MYH15: variants seen among roughly 807,000 people sequenced by gnomAD.
MYH15 encodes myosin-15.
In MYH15, 227 loss-of-function variants were observed where a neutral mutation model predicts 240.5. The ratio of observed to expected loss-of-function variants is 0.94; its 90% confidence interval spans 0.85 to 1.05. The LOEUF (loss-of-function observed/expected upper bound fraction) is 1.05, where lower values mean the gene tolerates loss of function less well. Among genes scored for constraint, MYH15 ranks in the 50% least tolerant of loss-of-function variants. The pLI is 0.00. For synonymous variants in MYH15, 785 were observed against 796.7 expected (o/e 0.99, Z 0.25); for missense variants, 2,217 against 2,247.5 (o/e 0.99, Z 0.27).
At chr3:108,397,802 C>T (rs979268360) in intron 35 of MYH15, among the ~76,000 whole-genome samples, 4 of 152,114 alleles carry the variant, frequency 2.6e-5, no homozygotes, top group African/African-American at 7.2e-5. Context: ...AAGACAGGAG[C>T]ATTGTTTTTA....
intron 4 of MYH15, 56 bp downstream of exon 4, chr3:108,500,062 T>C: frequency 6.4e-7 from 1 of 1,557,122 alleles, no homozygotes; most frequent in South Asian, 1.2e-5. Flanking sequence ...CTTAGGGACA[T>C]AGAGAAAAAG....
Position 108,405,468 on chromosome 3 carries a change from T to A in MYH15, c.4621-15A>T. 3 of 1,419,808 alleles carry A rather than the reference T, an allele frequency of 2.1e-6. No individual in the cohort carries two copies. The highest frequency in any genetic ancestry group is 1.6e-5 in the South Asian group (1 of 63,506). The allele number at this position is 1,419,808 out of a possible 1,614,324, so 88.0% of individuals were successfully genotyped here. A position where few individuals can be genotyped will look rare whatever the true frequency, so the allele number is the denominator to read the frequency against. On this transcript the variant is annotated splice_polypyrimidine_tract_variant and intron_variant, in intron 32 of 40. Transcript: ENST00000693548. Reference sequence around the variant, plus strand: ...TCCAGGGCTCCCTGGAATACATAAATAAAAAGCATTAAATGAAGTCCACTT... The same window carrying A: ...TCCAGGGCTCCCTGGAATACATAAAAAAAAAGCATTAAATGAAGTCCACTT...
intron 5 of MYH15, 58 bp downstream of exon 5, chr3:108,499,397 T>C: frequency 6.7e-7 from 1 of 1,502,026 alleles, no homozygotes; most frequent in Non-Finnish European, 9.3e-7. Context: ...GAAATGGAGG[T>C]ATCTATTTCA....
chr3:108,504,905 T>C (rs2083463428), intron 2 of MYH15, among the ~76,000 whole-genome samples: 1 of 152,212 alleles, frequency 6.6e-6, no homozygotes, highest in Admixed American at 6.5e-5. Flanking sequence ...ATATAACCTT[T>C]TCTTACAAAG....
At chr3:108,533,916 T>G (rs1486480506), upstream of MYH15, among the ~76,000 whole-genome samples, 3 of 152,332 alleles carry the variant, frequency 2.0e-5, no homozygotes, top group Non-Finnish European at 4.4e-5. Flanking sequence ...AGGACTGACC[T>G]GAGAATATTG....
At chr3:108,529,441 T>C (rs2083697646), upstream of MYH15, 1 of 555,846 alleles carries the variant, frequency 1.8e-6, no homozygotes, top group Non-Finnish European at 3.2e-6. Context: ...TCATTGTGCT[T>C]GGGACAGGGA....
chr3:108,463,577 C>T (rs1418914725), intron 15 of MYH15, among the ~76,000 whole-genome samples: 2 of 152,094 alleles, frequency 1.3e-5, no homozygotes, highest in South Asian at 2.1e-4. Flanking sequence ...TCAAGCAATC[C>T]ACCCATCTCA....
At chr3:108,465,949 A>C (rs1228204531) in intron 14 of MYH15, among the ~76,000 whole-genome samples, 1 of 152,070 alleles carries the variant, frequency 6.6e-6, no homozygotes, top group Non-Finnish European at 1.5e-5. Context: ...AACAAACAAA[A>C]AATGTTACTG....
intron 27 of MYH15, among the ~76,000 whole-genome samples, chr3:108,422,995 C>G (rs1465280942): frequency 6.6e-6 from 1 of 152,160 alleles, no homozygotes; most frequent in Admixed American, 6.5e-5. Flanking sequence ...AGATGGGGTT[C>G]TTTGTCCCCG....
the MYH15 span, among the ~76,000 whole-genome samples, chr3:108,535,844 C>G: frequency 2.6e-5 from 4 of 152,198 alleles, no homozygotes; most frequent in Non-Finnish European, 5.9e-5. Context: ...ACATCCAACT[C>G]TGGCATGAGT....
In MYH15 at chr3:108,383,731, T is replaced by C. The variant is rs774730236; in HGVS notation, c.5632-2A>G. The stretch of plus-strand genomic sequence containing the variant: ...AAGGTATTGATTGGCTTGTGTTTCC[T>C]ATAAAAATAAAAAAAAAAAAAAAGA... On this transcript the variant is annotated splice_acceptor_variant, in intron 39 of 40. Transcript: ENST00000693548. LOFTEE classifies it high-confidence loss of function. 1.5e-6 allele frequency: 2 copies of C among 1,328,962 alleles called. No homozygotes were observed. The highest frequency in any genetic ancestry group is 2.2e-4 in the Middle Eastern group (1 of 4,578). 82.3% of individuals were successfully genotyped at this position (1,328,962 alleles called of 1,614,324 possible). A position where few individuals can be genotyped will look rare whatever the true frequency, so the allele number is the denominator to read the frequency against.
the MYH15 span, among the ~76,000 whole-genome samples, chr3:108,547,004 T>C: frequency 6.6e-6 from 1 of 152,070 alleles, no homozygotes. Flanking sequence ...CAGAGGTATA[T>C]AATTTCAAGG....
At position 108,400,230 on chromosome 3, in the gene MYH15, G is replaced by A. The variant is rs567933326; in HGVS notation, c.4737-963C>T. Among the ~76,000 whole-genome samples, 27 of 152,252 alleles carry A rather than the reference G, an allele frequency of 1.8e-4. No individual in the cohort carries two copies. The South Asian group carries it at 3.3e-3, about 19-fold the overall frequency. On this transcript the variant is annotated intron_variant, in intron 33 of 40. Transcript: ENST00000693548. ...TCAATGACTTTGAATGTTATTGACCGACTCTTCATCCTACCTCACAATGGC... is the reference window on the plus strand; with the variant it reads ...TCAATGACTTTGAATGTTATTGACCAACTCTTCATCCTACCTCACAATGGC...
the MYH15 span, among the ~76,000 whole-genome samples, chr3:108,541,272 T>C: frequency 2.0e-5 from 3 of 151,836 alleles, no homozygotes; most frequent in African/African-American, 2.4e-5. Flanking sequence ...AGATTGCTCC[T>C]ATAAAATACT....
chr3:108,500,758 G>A (rs920425609), intron 3 of MYH15, among the ~76,000 whole-genome samples: 1 of 152,102 alleles, frequency 6.6e-6, no homozygotes, highest in African/African-American at 2.4e-5. Flanking sequence ...ATCTTATTTG[G>A]AAAAAATAGT....
intron 27 of MYH15, among the ~76,000 whole-genome samples, chr3:108,423,578 T>C (rs2082701760): frequency 6.6e-6 from 1 of 152,248 alleles, no homozygotes; most frequent in East Asian, 1.9e-4. Context: ...TTTCTAATTA[T>C]ATGTTGAATT....
chr3:108,466,322 A>G (rs879766845), intron 14 of MYH15, among the ~76,000 whole-genome samples: 4 of 152,200 alleles, frequency 2.6e-5, no homozygotes, highest in Non-Finnish European at 5.9e-5. Context: ...TTTTAAATGC[A>G]TTTTTACTTT....
intron 25 of MYH15, among the ~76,000 whole-genome samples, chr3:108,436,846 A>T (rs1300720911): frequency 2.0e-5 from 3 of 152,110 alleles, no homozygotes; most frequent in Non-Finnish European, 4.4e-5. Flanking sequence ...ATTTGGTATA[A>T]TCTAAATAAA....
At chr3:108,503,293 T>C (rs1014520736) in intron 2 of MYH15, among the ~76,000 whole-genome samples, 2 of 152,218 alleles carry the variant, frequency 1.3e-5, no homozygotes, top group Admixed American at 6.5e-5. Flanking sequence ...TTTTGGAGAA[T>C]GTGCTCAGAA....
Sources: gnomAD v4.1 joint callset for allele counts (sites outside exome capture counted in the v4.1 genomes callset) on GRCh38, gnomAD v4.1.1 for gene constraint, MANE v1.5 for transcripts, NCBI Gene and HGNC (gene_info 2026-07-23, HGNC 2026-07-21) for gene names.